ZFPM2: variants seen among roughly 807,000 people sequenced by gnomAD.
ZFPM2 encodes zinc finger protein, FOG family member 2.
ZFPM2 carries 20 observed loss-of-function variants against 98.6 expected under a neutral mutation model. That is an observed-to-expected ratio of 0.20 (90% CI 0.14 to 0.29). ZFPM2 has a LOEUF of 0.29. Ranked by LOEUF, ZFPM2 falls within the 10% of genes least tolerant of loss-of-function variation. ZFPM2 has a pLI of 1.00. For missense variants in ZFPM2, 1,310 were observed against 1,388.6 expected, an observed-to-expected ratio of 0.94 and a Z score of 0.90; for synonymous variants, 518 against 502.7, an observed-to-expected ratio of 1.03 and a Z score of -0.41.
intron 3 of ZFPM2, among the ~76,000 whole-genome samples, chr8:105,526,506 C>T (rs111261317): frequency 2.9e-4 from 44 of 152,178 alleles, no homozygotes; most frequent in African/African-American, 1.0e-3. Context: ...TTTTTTCCTC[C>T]TAAATACAGA....
In ZFPM2 at chr8:105,459,166, C is replaced by T. The variant is rs558919735; in HGVS notation, c.301+14785C>T. Among the ~76,000 whole-genome samples the T allele has an allele frequency of 2.0e-4, 30 of 152,288 alleles. No individual in the cohort carries two copies. In the South Asian group the frequency reaches 2.3e-3, roughly 12 times the overall value. On this transcript the variant is annotated intron_variant, in intron 3 of 7. Coordinates refer to ENST00000407775, the MANE Select transcript of ZFPM2 (RefSeq NM_012082.4). ...ACAGCTCACTATTCTCCCACCTCAG[C>T]CTCCCAGATAGCTGGGACCACAGGT...
rs533330217 is a variant in ZFPM2, at chr8:105,402,054, T to C, written c.41-17090T>C. Among the ~76,000 whole-genome samples the C allele has an allele frequency of 2.0e-5, 3 of 152,204 alleles. No homozygotes were observed. The East Asian group carries it at 5.8e-4, about 29-fold the overall frequency. On this transcript the variant is annotated intron_variant, in intron 1 of 7. Transcript: ENST00000407775. ...CATTGTAGTAATAATTTGTTAATAT[T>C]CTCCACTCAATATAGTATTGCTGTT...
chr8:105,745,293 G>T (rs1469190336), intron 5 of ZFPM2, among the ~76,000 whole-genome samples: 1 of 152,054 alleles, frequency 6.6e-6, no homozygotes, highest in South Asian at 2.1e-4. Flanking sequence ...TGTCTTAAAT[G>T]TTTCAGTTCT....
intron 5 of ZFPM2, chr8:105,780,580 G>C (rs926518513): frequency 2.6e-5 from 4 of 152,200 alleles, no homozygotes; most frequent in Non-Finnish European, 5.9e-5. Flanking sequence ...GCAGGAAAAG[G>C]AAACATTCAA....
intron 3 of ZFPM2, among the ~76,000 whole-genome samples, chr8:105,450,995 A>G (rs74926203): frequency 6.6e-6 from 1 of 152,070 alleles, no homozygotes; most frequent in African/African-American, 2.4e-5. Flanking sequence ...GAAAAAAAAA[A>G]GTAGGTTGGA....
intron 4 of ZFPM2, among the ~76,000 whole-genome samples, chr8:105,580,324 T>A (rs116692023): frequency 2.9e-4 from 44 of 152,316 alleles, no homozygotes; most frequent in African/African-American, 1.1e-3. Flanking sequence ...ATACCTTGTA[T>A]CTATCTTTGC....
At chr8:105,441,490 G>GA (rs138686924) in intron 2 of ZFPM2, among the ~76,000 whole-genome samples, 1,467 of 71,118 alleles carry the variant, frequency 0.021, 444 homozygotes, top group African/African-American at 0.088. Flanking sequence ...AAGAAAGAAA[G>GA]AAAGAAAGAA....
chr8:105,319,514 C>G (rs1045837432), intron 1 of ZFPM2: 3 of 152,370 alleles, frequency 2.0e-5, no homozygotes, highest in African/African-American at 7.2e-5. Flanking sequence ...CAGAGCCACA[C>G]CAAACCCGAA....
intron 6 of ZFPM2, among the ~76,000 whole-genome samples, chr8:105,792,293 T>C (rs1320432721): frequency 6.6e-6 from 1 of 152,232 alleles, no homozygotes; most frequent in Non-Finnish European, 1.5e-5. Flanking sequence ...TGCTGTGTCT[T>C]TGTTCTCATT....
chr8:105,803,605 A>T lies in ZFPM2; in HGVS notation c.*67A>T. 1 of 1,478,958 alleles carries T rather than the reference A, an allele frequency of 6.8e-7. No individual in the cohort carries two copies. The highest frequency in any genetic ancestry group is 9.2e-7 in the Non-Finnish European group (1 of 1,085,972). 91.6% of individuals were successfully genotyped at this position (1,478,958 alleles called of 1,614,324 possible). ...TGTTGTTCTAACCAGTCCAGAAAAA[A>T]AAATAAGCTGTTTGAATTACATCTG... On this transcript the variant is annotated 3_prime_UTR_variant, in exon 8 of 8. Transcript: ENST00000407775.
intron 3 of ZFPM2, among the ~76,000 whole-genome samples, chr8:105,473,032 C>G (rs1292990785): frequency 6.6e-6 from 1 of 151,772 alleles, no homozygotes; most frequent in African/African-American, 2.4e-5. Flanking sequence ...GTGGCTAGGA[C>G]TACAGGCACA....
chr8:105,551,253 T>C (rs1042938171), intron 3 of ZFPM2, among the ~76,000 whole-genome samples: 1 of 152,206 alleles, frequency 6.6e-6, no homozygotes, highest in African/African-American at 2.4e-5. Flanking sequence ...ATAGGACTTA[T>C]TCTCCTAAAT....
rs532602514 is a variant in ZFPM2, at chr8:105,458,293, A to T, written c.301+13912A>T. Among the ~76,000 whole-genome samples the T allele has an allele frequency of 3.5e-3, 527 of 152,344 alleles. 2 individuals carry two copies. Among genetic ancestry groups the T allele is most frequent in the African/African-American group, 0.012 (509 of 41,578 alleles). On this transcript the variant is annotated intron_variant, in intron 3 of 7. Transcript: ENST00000407775. The stretch of plus-strand genomic sequence containing the variant: ...GAAAAGAGCATATTTCATCTTAAAC[A>T]TACCTTTATCTTTGGGTAAATACAC...
At chr8:105,434,705 G>A (rs954523356) in intron 2 of ZFPM2, among the ~76,000 whole-genome samples, 1 of 152,158 alleles carries the variant, frequency 6.6e-6, no homozygotes, top group African/African-American at 2.4e-5. Flanking sequence ...ATTGCAAAAT[G>A]CATTATAGGG....
At chr8:105,707,723 CTT>C in intron 5 of ZFPM2, among the ~76,000 whole-genome samples, 1 of 152,140 alleles carries the variant, frequency 6.6e-6, no homozygotes, top group East Asian at 1.9e-4. Flanking sequence ...TGTAGCAACA[CTT>C]TTTCAATGAA....
intron 4 of ZFPM2, among the ~76,000 whole-genome samples, chr8:105,610,258 C>T (rs58156289): frequency 0.012 from 1,812 of 152,120 alleles, 28 homozygotes; most frequent in African/African-American, 0.041. Flanking sequence ...TTATCATATA[C>T]CTACCTTGAT....
At chr8:105,332,932 A>C (rs753274104) in intron 1 of ZFPM2, among the ~76,000 whole-genome samples, 15 of 151,752 alleles carry the variant, frequency 9.9e-5, no homozygotes, top group African/African-American at 3.4e-4. Flanking sequence ...TTTGGGGCCA[A>C]ACTTTTAAAG....
chr8:105,792,962 T>C (rs1813668000), intron 6 of ZFPM2, among the ~76,000 whole-genome samples: 1 of 152,218 alleles, frequency 6.6e-6, no homozygotes, highest in African/African-American at 2.4e-5. Context: ...ATCCTTTTAT[T>C]TTGAGCCTGT....
chr8:105,421,142 T>C (rs2130090215), intron 2 of ZFPM2, among the ~76,000 whole-genome samples: 1 of 152,220 alleles, frequency 6.6e-6, no homozygotes, highest in Non-Finnish European at 1.5e-5. Flanking sequence ...GCTATACTAA[T>C]CAGAGTCTTA....
Sources: gnomAD v4.1 joint callset for allele counts (sites outside exome capture counted in the v4.1 genomes callset) on GRCh38, gnomAD v4.1.1 for gene constraint, MANE v1.5 for transcripts, NCBI Gene and HGNC (gene_info 2026-07-23, HGNC 2026-07-21) for gene names.